POC1B: variants seen among roughly 807,000 people sequenced by gnomAD.
POC1B encodes the protein POC1 centriolar protein homolog B.
A neutral mutation model predicts 60.6 loss-of-function variants in POC1B; 44 were observed. The observed-to-expected ratio is 0.73, with a 90% CI of 0.57 to 0.93. POC1B has a LOEUF of 0.93. Ranked by LOEUF, POC1B falls within the 40% of genes least tolerant of loss-of-function variation. The probability of loss-of-function intolerance (pLI) is 0.00; values close to 1 mark genes in which losing one functional copy is unlikely to be tolerated. For missense variants in POC1B, 555 were observed against 572.3 expected (o/e 0.97, Z 0.31); for synonymous variants, 180 against 198.9 (o/e 0.90, Z 0.80).
In POC1B at chr12:89,437,101, C is replaced by T. The variant is rs74770472; in HGVS notation, c.1114-11722G>A. Among the ~76,000 whole-genome samples, 900 of 152,272 alleles carry T rather than the reference C, an allele frequency of 5.9e-3. 10 individuals are homozygous for T. The highest frequency in any genetic ancestry group is 0.02 in the African/African-American group (842 of 41,546). On this transcript the variant is annotated intron_variant, in intron 10 of 11. Coordinates refer to ENST00000313546, the MANE Select transcript of POC1B (RefSeq NM_172240.3). The stretch of plus-strand genomic sequence containing the variant: ...TCATGAGCCAGTCTCCTCTCTTCAT[C>T]CCCTATGCTACAGCACTCGATCAGA...
intron 2 of POC1B, among the ~76,000 whole-genome samples, chr12:89,514,402 C>CTTTTTTTTT (rs60679774): frequency 0.016 from 1,081 of 67,070 alleles, 216 homozygotes; most frequent in Non-Finnish European, 0.022. Flanking sequence ...TCATGTATTT[C>CTTTTTTTTT]TTTTTTTTTT....
At chr12:89,476,941 C>G (rs533257745) in intron 4 of POC1B, among the ~76,000 whole-genome samples, 3 of 152,220 alleles carry the variant, frequency 2.0e-5, no homozygotes, top group African/African-American at 7.2e-5. Flanking sequence ...AACTCTGAAG[C>G]CAACAGCTCT....
intron 6 of POC1B, 135 bp downstream of exon 6, chr12:89,471,479 T>C (rs1481809709): frequency 1.6e-6 from 1 of 612,502 alleles, no homozygotes; most frequent in Non-Finnish European, 2.8e-6. Flanking sequence ...TGGGAGCTAA[T>C]TATACTATTC....
intron 7 of POC1B, among the ~76,000 whole-genome samples, chr12:89,468,243 T>G (rs891361744): frequency 6.6e-6 from 1 of 152,152 alleles, no homozygotes; most frequent in Non-Finnish European, 1.5e-5. Flanking sequence ...AGATGCTTGG[T>G]TGGAGGCCAG....
intron 4 of POC1B, among the ~76,000 whole-genome samples, chr12:89,490,694 C>T (rs984218164): frequency 3.9e-5 from 6 of 152,112 alleles, no homozygotes; most frequent in Non-Finnish European, 5.9e-5. Context: ...AGTACTTTAG[C>T]AGAGTGTCCT....
At chr12:89,491,911 T>G in intron 4 of POC1B, 25 bp downstream of exon 4, 1 of 1,461,460 alleles carries the variant, frequency 6.8e-7, no homozygotes, top group Non-Finnish European at 9.1e-7. Context: ...TGTGGACATC[T>G]TAATATGAAA....
chr12:89,423,573 T>C (rs1880633616), intron 11 of POC1B, among the ~76,000 whole-genome samples: 1 of 152,236 alleles, frequency 6.6e-6, no homozygotes, highest in Admixed American at 6.5e-5. Context: ...TTATTTCTAA[T>C]TATAGTTCAG....
At chr12:89,456,042 G>GTTGTTT (rs1882242982) in intron 10 of POC1B, among the ~76,000 whole-genome samples, 1 of 151,690 alleles carries the variant, frequency 6.6e-6, no homozygotes, top group South Asian at 2.1e-4. Flanking sequence ...TGTTGTTGTT[G>GTTGTTT]TTGAGATGGA....
At chr12:89,446,573 T>TG (rs1881798470) in intron 10 of POC1B, among the ~76,000 whole-genome samples, 1 of 151,692 alleles carries the variant, frequency 6.6e-6, no homozygotes, top group African/African-American at 2.4e-5. Flanking sequence ...GGACACAGGG[T>TG]GGGGAACATC....
intron 9 of POC1B, among the ~76,000 whole-genome samples, chr12:89,463,660 G>A (rs1882564838): frequency 6.6e-6 from 1 of 152,202 alleles, no homozygotes; most frequent in African/African-American, 2.4e-5. Context: ...CCTAGGCCAG[G>A]AGTACTACGA....
rs115098354 is a variant in POC1B at position 89,449,244 on chromosome 12, C to T, written c.1113+10394G>A. Among the ~76,000 whole-genome samples, 650 of 152,224 alleles carry T rather than the reference C, an allele frequency of 4.3e-3. 9 individuals carry two copies. The highest frequency in any genetic ancestry group is 0.015 in the African/African-American group (609 of 41,534). On this transcript the variant is annotated intron_variant, in intron 10 of 11. Coordinates refer to ENST00000313546, the MANE Select transcript of POC1B (RefSeq NM_172240.3). ...TGTGTCTGTGAGGAAGTTACCTTAC[C>T]CCTTTAAGGCTAATTTGTGGAATGT... is the stretch of plus-strand genomic sequence containing the variant.
intron 10 of POC1B, among the ~76,000 whole-genome samples, chr12:89,434,442 C>T (rs1020810577): frequency 6.6e-6 from 1 of 152,098 alleles, no homozygotes; most frequent in African/African-American, 2.4e-5. Flanking sequence ...ATTTTGAAGC[C>T]ATTAATGGGT....
intron 4 of POC1B, among the ~76,000 whole-genome samples, chr12:89,473,662 A>G (rs1199394328): frequency 2.5e-5 from 3 of 121,434 alleles, no homozygotes; most frequent in African/African-American, 6.1e-5. Context: ...CTCGCCTCAG[A>G]AAAGAAAAAA....
At chr12:89,488,054 A>G (rs1868739501) in intron 4 of POC1B, among the ~76,000 whole-genome samples, 1 of 152,322 alleles carries the variant, frequency 6.6e-6, no homozygotes, top group Non-Finnish European at 1.5e-5. Flanking sequence ...TATACTTATT[A>G]AAGTAATATT....
chr12:89,460,214 GCA>G (rs1882433749), intron 9 of POC1B, among the ~76,000 whole-genome samples: 1 of 151,894 alleles, frequency 6.6e-6, no homozygotes. Context: ...CTGCATTCTA[GCA>G]CACAGTTAGA....
At chr12:89,466,980 C>G in intron 8 of POC1B, 58 bp from the exon 9 acceptor site, 1 of 1,482,392 alleles carries the variant, frequency 6.7e-7, no homozygotes, top group Non-Finnish European at 9.2e-7. Flanking sequence ...AGCAATAGAG[C>G]TGATTTTAAA....
At chr12:89,516,537 C>T (rs756951902) in intron 2 of POC1B, among the ~76,000 whole-genome samples, 35 of 152,172 alleles carry the variant, frequency 2.3e-4, no homozygotes, top group Non-Finnish European at 4.3e-4. Flanking sequence ...CCAGAGTGGT[C>T]TTTTTGAGGT....
chr12:89,401,889 T>A, the POC1B span, among the ~76,000 whole-genome samples: 1 of 152,190 alleles, frequency 6.6e-6, no homozygotes, highest in Admixed American at 6.5e-5. Flanking sequence ...GAGCATTAGG[T>A]TGACCTAATG....
chr12:89,459,750 T>A, intron 9 of POC1B, 32 bp from the exon 10 acceptor site: 7 of 1,216,404 alleles, frequency 5.8e-6, no homozygotes, highest in Non-Finnish European at 7.9e-6. Flanking sequence ...AATTATGAGA[T>A]TTTCATACCA....
Sources: gnomAD v4.1 joint callset for allele counts (sites outside exome capture counted in the v4.1 genomes callset) on GRCh38, gnomAD v4.1.1 for gene constraint, MANE v1.5 for transcripts, NCBI Gene and HGNC (gene_info 2026-07-23, HGNC 2026-07-21) for gene names.